The following C1orf21 variants were observed in gnomAD, a reference collection of about 807,000 sequenced individuals.
The protein encoded by C1orf21 is chromosome 1 open reading frame 21, also known as uncharacterized protein C1orf21.
Under a neutral mutation model 18.7 loss-of-function variants are expected in C1orf21, and 3 were observed. The ratio of observed to expected loss-of-function variants is 0.16; its 90% CI spans 0.07 to 0.42. C1orf21 has a LOEUF of 0.42. Among genes scored for constraint, C1orf21 ranks in the 10% least tolerant of loss-of-function variants. The pLI is 0.99. For synonymous variants in C1orf21, 41 were observed against 46.4 expected, an observed-to-expected ratio of 0.88 and a Z score of 0.47; for missense variants, 104 against 143.6, an observed-to-expected ratio of 0.72 and a Z score of 1.41.
chr1:184,432,446 A>G (rs987861090), intron 1 of C1orf21, among the ~76,000 whole-genome samples: 3 of 152,078 alleles, frequency 2.0e-5, no homozygotes, highest in African/African-American at 7.2e-5. Context: ...GCATGTTCTC[A>G]CTCGTAAGTA....
At chr1:184,534,183 T>A (rs184577867) in intron 3 of C1orf21, among the ~76,000 whole-genome samples, 1 of 152,350 alleles carries the variant, frequency 6.6e-6, no homozygotes, top group East Asian at 1.9e-4. Flanking sequence ...CACTAGCTCA[T>A]TGGAGCCTCA....
chr1:184,517,731 A>C (rs1262051557), intron 3 of C1orf21, among the ~76,000 whole-genome samples: 1 of 152,140 alleles, frequency 6.6e-6, no homozygotes, highest in Non-Finnish European at 1.5e-5. Context: ...TGTTCCCCAA[A>C]CTAAAGTGAA....
intron 5 of C1orf21, among the ~76,000 whole-genome samples, chr1:184,605,800 C>T (rs1558012982): frequency 6.6e-6 from 1 of 152,158 alleles, no homozygotes; most frequent in Admixed American, 6.5e-5. Context: ...ACAGAGTCTC[C>T]AGTAGTGTTT....
intron 2 of C1orf21, among the ~76,000 whole-genome samples, chr1:184,478,606 G>A (rs1399261256): frequency 6.6e-6 from 1 of 152,152 alleles, no homozygotes; most frequent in Non-Finnish European, 1.5e-5. Flanking sequence ...ACGCTTCCCC[G>A]GTGCATGCAC....
intron 4 of C1orf21, among the ~76,000 whole-genome samples, chr1:184,595,651 C>T (rs573609282): frequency 1.1e-4 from 16 of 152,202 alleles, no homozygotes; most frequent in South Asian, 2.1e-4. Flanking sequence ...CTCATGCTTT[C>T]GGATGACACC....
At chr1:184,571,170 G>T (rs1384566801) in intron 3 of C1orf21, among the ~76,000 whole-genome samples, 1 of 150,756 alleles carries the variant, frequency 6.6e-6, no homozygotes. Context: ...AGTGGCGGGC[G>T]CCTGTAGTCC....
intron 1 of C1orf21, among the ~76,000 whole-genome samples, chr1:184,460,610 T>TGTCGTCGTC (rs148278320): frequency 7.9e-5 from 11 of 138,836 alleles, no homozygotes; most frequent in African/African-American, 2.6e-4. Flanking sequence ...CTGTTAGTAT[T>TGTCGTCGTC]GTCGTCGTCG....
intron 1 of C1orf21, among the ~76,000 whole-genome samples, chr1:184,414,124 G>C (rs1656408631): frequency 6.6e-6 from 1 of 152,106 alleles, no homozygotes; most frequent in Admixed American, 6.5e-5. Flanking sequence ...CTCAATAAAT[G>C]CATGTTGAAT....
chr1:184,619,384 G>A (rs560023904), intron 5 of C1orf21, 134 bp from the exon 6 acceptor site: 2 of 896,822 alleles, frequency 2.2e-6, no homozygotes, highest in South Asian at 1.5e-5. Flanking sequence ...CTACCCCTGT[G>A]CCAGCTATCA....
chr1:184,557,871 G>A (rs760200768), intron 3 of C1orf21, among the ~76,000 whole-genome samples: 1 of 152,022 alleles, frequency 6.6e-6, no homozygotes, highest in Non-Finnish European at 1.5e-5. Context: ...GTAGCTGATG[G>A]AGCCATTCAT....
At chr1:184,399,654 C>T (rs1006253174) in intron 1 of C1orf21, among the ~76,000 whole-genome samples, 4 of 152,154 alleles carry the variant, frequency 2.6e-5, no homozygotes, top group African/African-American at 7.2e-5. Context: ...CACTCCTGGC[C>T]ATGTTAGGTA....
intron 1 of C1orf21, among the ~76,000 whole-genome samples, chr1:184,396,836 C>T (rs61823501): frequency 0.12 from 18,248 of 152,114 alleles, 1,152 homozygotes; most frequent in East Asian, 0.15. Flanking sequence ...ATCCCCCCAC[C>T]GCCTGCAACT....
At chr1:184,399,109 T>A (rs1402479350) in intron 1 of C1orf21, among the ~76,000 whole-genome samples, 1 of 152,168 alleles carries the variant, frequency 6.6e-6, no homozygotes, top group Non-Finnish European at 1.5e-5. Context: ...AGAGATGCAT[T>A]TGTCTTATTT....
intron 5 of C1orf21, chr1:184,599,238 T>TA (rs1659555913): frequency 6.6e-6 from 1 of 152,254 alleles, no homozygotes; most frequent in Admixed American, 6.5e-5. Flanking sequence ...GTTCAGAACA[T>TA]ATCACACTAT....
chr1:184,574,571 A>G (rs912375188), intron 3 of C1orf21, among the ~76,000 whole-genome samples: 2 of 152,162 alleles, frequency 1.3e-5, no homozygotes, highest in Non-Finnish European at 2.9e-5. Context: ...GCTCCTAATC[A>G]TGTTCTTTAA....
At position 184,628,823 on chromosome 1, in the gene C1orf21, C is replaced by T. The variant is rs1187794169; in HGVS notation, c.*9267C>T. 1 of 152,516 alleles carries T rather than the reference C, an allele frequency of 6.6e-6. No homozygotes were observed. Among genetic ancestry groups the T allele is most frequent in the Non-Finnish European group, 1.5e-5 (1 of 68,020 alleles). The allele number at this position is 152,516 out of a possible 1,614,324, so 9.4% of individuals were successfully genotyped here. A position where few individuals can be genotyped will look rare whatever the true frequency, so the allele number is the denominator to read the frequency against. ...CGAAGTGCTCCAGCAGTACTACCCC[C>T]CACGTAGCAGTGGGCCCATGTCGCT... On this transcript the variant is annotated 3_prime_UTR_variant, in exon 6 of 6. Transcript: ENST00000235307.
chr1:184,501,141 A>G (rs1311982134), intron 2 of C1orf21, among the ~76,000 whole-genome samples: 1 of 152,224 alleles, frequency 6.6e-6, no homozygotes, highest in Non-Finnish European at 1.5e-5. Flanking sequence ...GGCTTAGCCT[A>G]TTAATGGCAG....
At chr1:184,505,455 A>C (rs376976061) in intron 2 of C1orf21, among the ~76,000 whole-genome samples, 1 of 151,336 alleles carries the variant, frequency 6.6e-6, no homozygotes, top group Non-Finnish European at 1.5e-5. Context: ...TTCACAATTT[A>C]GTTCAGTTAA....
At chr1:184,525,656 A>G (rs556029368) in intron 3 of C1orf21, among the ~76,000 whole-genome samples, 119 of 152,294 alleles carry the variant, frequency 7.8e-4, no homozygotes, top group African/African-American at 2.8e-3. Flanking sequence ...ATGGGAGATT[A>G]TTTTTAAAAT....
Sources: gnomAD v4.1 joint callset for allele counts (sites outside exome capture counted in the v4.1 genomes callset) on GRCh38, gnomAD v4.1.1 for gene constraint, MANE v1.5 for transcripts, NCBI Gene and HGNC (gene_info 2026-07-23, HGNC 2026-07-21) for gene names.